Variants in CATSPER1 observed in about 807,000 individuals in gnomAD.
CATSPER1 encodes cation channel sperm-associated protein 1.
Under a neutral mutation model 72.7 loss-of-function variants are expected in CATSPER1, and 57 were observed. The ratio of observed to expected loss-of-function variants is 0.78; its 90% CI spans 0.63 to 0.98. The LOEUF (loss-of-function observed/expected upper bound fraction) is 0.98, where lower values mean the gene tolerates loss of function less well. CATSPER1 is among the 50% of genes least tolerant of loss of function. The probability of loss-of-function intolerance (pLI) is 0.00; values close to 1 mark genes in which losing one functional copy is unlikely to be tolerated. For synonymous variants in CATSPER1, 363 were observed against 403.0 expected (o/e 0.90, Z 1.19); for missense variants, 910 against 1,033.9 (o/e 0.88, Z 1.64).
intron 2 of CATSPER1, among the ~76,000 whole-genome samples, chr11:66,022,378 A>T (rs1351091575): frequency 6.6e-6 from 1 of 152,214 alleles, no homozygotes; most frequent in East Asian, 1.9e-4. Flanking sequence ...TCCACTTGAT[A>T]GAGTTGTGAG....
intron 10 of CATSPER1, among the ~76,000 whole-genome samples, chr11:66,018,508 T>A (rs924590694): frequency 1.3e-5 from 2 of 152,172 alleles, no homozygotes; most frequent in African/African-American, 4.8e-5. Flanking sequence ...GGGGTCCTCA[T>A]GGGCAGGGGC....
At chr11:66,024,111 G>A (rs527448372) in intron 1 of CATSPER1, among the ~76,000 whole-genome samples, 5 of 151,280 alleles carry the variant, frequency 3.3e-5, no homozygotes, top group South Asian at 2.1e-4. Context: ...TTACAGGCAC[G>A]CACCACCACA....
chr11:66,020,213 G>A lies in CATSPER1; in HGVS notation c.2065-13C>T. ...TCCGGGCGGCCCTCTGGGAAGAAGA[G>A]GCCTCAGATCTGCCAGAGTCCCAGG... On this transcript the variant is annotated splice_polypyrimidine_tract_variant and intron_variant, in intron 8 of 11. Transcript: ENST00000312106. The surrounding 1 kb of genome is among the most constrained non-coding windows in gnomAD (Gnocchi z 4.5). 1 of 1,614,032 alleles carries A rather than the reference G, an allele frequency of 6.2e-7. No individual in the cohort carries two copies. Among genetic ancestry groups the A allele is most frequent in the Non-Finnish European group, 8.5e-7 (1 of 1,180,022 alleles).
chr11:66,025,945 C>T lies in CATSPER1; in HGVS notation c.435G>A (p.Arg145=), dbSNP rs1202018596. 6.2e-7 allele frequency: 1 copy of T among 1,613,302 alleles called. No homozygotes were observed. Among genetic ancestry groups the T allele is most frequent in the East Asian group, 2.2e-5 (1 of 44,792 alleles). ...FHQQSDSHYH[R]GSHHGRPQYL... Reference sequence around the variant, plus strand: ...ATTGGGGTCTGCCATGGTGAGACCCCCTATGGTAATGGGAGTCACTCTGCT... The same window carrying T: ...ATTGGGGTCTGCCATGGTGAGACCCTCTATGGTAATGGGAGTCACTCTGCT... Residue 145 remains arginine, a synonymous_variant, in exon 1 of 12, where the codon AGG becomes AGA. Coordinates refer to ENST00000312106, the MANE Select transcript of CATSPER1 (RefSeq NM_053054.4).
intron 1 of CATSPER1, 100 bp from the exon 2 acceptor site, chr11:66,023,161 G>C: frequency 1.7e-6 from 2 of 1,147,726 alleles, no homozygotes; most frequent in Non-Finnish European, 2.6e-6. Context: ...ACTCCTGCCT[G>C]CTTGCTGGCC....
At chr11:66,024,276 T>G (rs1287823874) in intron 1 of CATSPER1, among the ~76,000 whole-genome samples, 2 of 132,574 alleles carry the variant, frequency 1.5e-5, no homozygotes, top group African/African-American at 7.8e-5. Context: ...TATTTGTTTT[T>G]TTTTTTTTTT....
intron 1 of CATSPER1, 97 bp downstream of exon 1, chr11:66,025,067 C>A: frequency 6.7e-7 from 1 of 1,485,506 alleles, no homozygotes; most frequent in East Asian, 2.3e-5. Flanking sequence ...GAGGGTCGGG[C>A]CTTACGATCT....
chr11:66,020,967 G>A lies in CATSPER1; in HGVS notation c.1784-13C>T. 6.2e-7 allele frequency: 1 copy of A among 1,613,708 alleles called. No individual in the cohort carries two copies. The highest frequency in any genetic ancestry group is 8.5e-7 in the Non-Finnish European group (1 of 1,180,004). ...GCGGAGAAGAGGACTGGCTGTTCAG[G>A]GCCAAACTCAGCTCTCCAGTGCTAT... On this transcript the variant is annotated splice_polypyrimidine_tract_variant and intron_variant, in intron 5 of 11. Transcript: ENST00000312106. This position sits in a 1 kb window ranked among gnomAD's most constrained non-coding sequence, Gnocchi z 4.5.
At chr11:66,024,541 A>C (rs543262567) in intron 1 of CATSPER1, among the ~76,000 whole-genome samples, 37 of 152,226 alleles carry the variant, frequency 2.4e-4, no homozygotes, top group African/African-American at 8.4e-4. Context: ...CGGCCTCCCA[A>C]AGTGCTGAGA....
chr11:66,021,675 C>T (rs774843895), intron 3 of CATSPER1, 32 bp from the exon 4 acceptor site: 5 of 1,607,558 alleles, frequency 3.1e-6, no homozygotes, highest in South Asian at 1.1e-5. Flanking sequence ...GCCTGGCGGG[C>T]TCCCAACGCC....
At position 66,026,012 on chromosome 11, in the gene CATSPER1, C is replaced by T. The variant is rs1225234061; in HGVS notation, c.368G>A (p.Gly123Asp). Residue 123 changes from glycine (G) to aspartate (D), a missense_variant, in exon 1 of 12, where the codon GGC (glycine) becomes GAC (aspartate). Gly to Asp is a moderately conservative substitution (Grantham distance 94). Transcript: ENST00000312106. ...EDYHDELQRD[G>D]RRHHDGSQYG... ...TTGGGACCCATCATGATGCCTCCTG[C>T]CATCACGTTGGAGCTCATCATGGTA... 4 of 1,613,982 alleles carry T rather than the reference C, an allele frequency of 2.5e-6. No individual in the cohort carries two copies. The South Asian group carries it at 4.4e-5, about 18-fold the overall frequency.
chr11:66,018,152 G>A (rs1404724959), intron 10 of CATSPER1, among the ~76,000 whole-genome samples: 3 of 150,744 alleles, frequency 2.0e-5, no homozygotes, highest in African/African-American at 4.9e-5. Context: ...AGGTTGCAGT[G>A]AGCCTAGATT....
chr11:66,018,862 C>A lies in CATSPER1; in HGVS notation c.2166G>T (p.Arg722=). 1.2e-6 allele frequency: 2 copies of A among 1,613,990 alleles called. No individual in the cohort carries two copies. The highest frequency in any genetic ancestry group is 1.7e-6 in the Non-Finnish European group (2 of 1,180,018). Residue 722 remains arginine (R), a synonymous_variant, in exon 10 of 12, where the codon CGG becomes CGT. Transcript: ENST00000312106. ...EVASEGTMLK[R]LIEKKFGTMT... ...TGGTCCCAAACTTTTTCTCGATGAG[C>A]CGCTTCAGCATGGTGCCTTCACTCG...
chr11:66,016,955 A>T, intron 11 of CATSPER1, 39 bp from the exon 12 acceptor site: 1 of 1,614,000 alleles, frequency 6.2e-7, no homozygotes, highest in Non-Finnish European at 8.5e-7. Context: ...TGAATGAGCC[A>T]GACTTTGCCT....
Position 66,025,682 on chromosome 11 carries a change from T to G in CATSPER1, c.698A>C (p.Glu233Ala). The change falls in exon 1 of 12, where the codon GAA becomes GCA. Residue 233 changes from glutamate (E) to alanine (A), a missense_variant. Glu to Ala is a moderately radical substitution (Grantham distance 107). Coordinates refer to ENST00000312106, the MANE Select transcript of CATSPER1 (RefSeq NM_053054.4). Reference protein sequence around the residue: ...VHHHGRSRHHEAHQHGKSPHH... With the variant: ...VHHHGRSRHHAAHQHGKSPHH... ...AGGAGACTTTCCATGCTGGTGGGCT[T>G]CATGATGACGGGACCTGCCATGGTG... The G allele has an allele frequency of 6.2e-7, 1 of 1,614,014 alleles. No homozygotes were observed. The highest frequency in any genetic ancestry group is 8.5e-7 in the Non-Finnish European group (1 of 1,179,980).
intron 10 of CATSPER1, among the ~76,000 whole-genome samples, chr11:66,018,532 T>C (rs1856285059): frequency 6.6e-6 from 1 of 152,210 alleles, no homozygotes; most frequent in Admixed American, 6.5e-5. Context: ...ATCTGTGTCC[T>C]CTTTGGGTCC....
Position 66,025,585 on chromosome 11 carries a change from G to T in CATSPER1, c.795C>A (p.Ser265Arg). ...SYQRGISDYH[S>R]EYHQGDHHPS... The stretch of plus-strand genomic sequence containing the variant: ...GGTGGTGATCACCTTGGTGGTACTC[G>T]CTGTGATAGTCAGATATCCCACGCT... The change falls in exon 1 of 12, where the codon AGC (serine) becomes AGA (arginine). Residue 265 changes from serine (S) to arginine (R), a missense_variant. Coordinates refer to ENST00000312106, the MANE Select transcript of CATSPER1 (RefSeq NM_053054.4). 6.2e-7 allele frequency: 1 copy of T among 1,607,694 alleles called. No individual in the cohort carries two copies. The highest frequency in any genetic ancestry group is 8.5e-7 in the Non-Finnish European group (1 of 1,177,120).
Position 66,021,857 on chromosome 11 carries a change from G to C in CATSPER1, c.1452C>G (p.Asp484Glu). ...IRGEWYFMAL[D>E]SIFFCIYVVE... is the part of the protein sequence containing the mutation. Reference sequence around the variant, plus strand: ...CCACGTAGATGCAGAAGAATATGGAGTCCAAGGCCATGAAGTACCACTCTG... The same window carrying C: ...CCACGTAGATGCAGAAGAATATGGACTCCAAGGCCATGAAGTACCACTCTG... The change falls in exon 3 of 12, where the codon GAC becomes GAG. Residue 484 changes from aspartate to glutamate, a missense_variant. Physicochemically the swap from Asp to Glu is conservative, Grantham distance 45. Transcript: ENST00000312106. The C allele has an allele frequency of 1.2e-6, 2 of 1,614,096 alleles. No individual in the cohort carries two copies. Among genetic ancestry groups the C allele is most frequent in the Non-Finnish European group, 1.7e-6 (2 of 1,179,968 alleles).
Position 66,022,968 on chromosome 11 carries a change from C to A in CATSPER1, c.1310G>T (p.Arg437Leu), listed in dbSNP as rs768421949. The A allele has an allele frequency of 3.1e-6, 5 of 1,614,232 alleles. No homozygotes were observed. The highest frequency in any genetic ancestry group is 4.2e-6 in the Non-Finnish European group (5 of 1,180,038). ...TTGGGTCAGGTTCCGGATCATTTCCCGGAAGCCCTGAATGAGGAAGGTTAG... is the reference window on the plus strand; with the variant it reads ...TTGGGTCAGGTTCCGGATCATTTCCAGGAAGCCCTGAATGAGGAAGGTTAG... ...EKLTFLIQGF[R>L]EMIRNLTQSL... Residue 437 changes from arginine to leucine, a missense_variant, in exon 2 of 12, where the codon CGG becomes CTG. Coordinates refer to ENST00000312106, the MANE Select transcript of CATSPER1 (RefSeq NM_053054.4).
Sources: gnomAD v4.1 joint callset for allele counts (sites outside exome capture counted in the v4.1 genomes callset) on GRCh38, gnomAD v4.1.1 for gene constraint, Gnocchi (gnomAD v3.1) non-coding constraint, MANE v1.5 for transcripts, NCBI Gene and HGNC (gene_info 2026-07-23, HGNC 2026-07-21) for gene names.